PLCE1: variants seen among roughly 807,000 people sequenced by gnomAD.
PLCE1 encodes 1-phosphatidylinositol 4,5-bisphosphate phosphodiesterase epsilon-1.
PLCE1 carries 119 observed loss-of-function variants against 242.8 expected under a neutral mutation model. That is an observed-to-expected ratio of 0.49 (90% CI 0.42 to 0.57). PLCE1 has a LOEUF of 0.57. Ranked by LOEUF, PLCE1 falls within the 20% of genes least tolerant of loss-of-function variation. PLCE1 has a pLI of 0.00. For missense variants in PLCE1, 2,441 were observed against 2,788.8 expected, an observed-to-expected ratio of 0.88 and a Z score of 2.81; for synonymous variants, 945 against 1,017.4, an observed-to-expected ratio of 0.93 and a Z score of 1.35.
intron 19 of PLCE1, among the ~76,000 whole-genome samples, chr10:94,274,005 G>T (rs537153116): frequency 1.3e-5 from 2 of 152,288 alleles, no homozygotes; most frequent in South Asian, 4.1e-4. Flanking sequence ...CTGAAACTGA[G>T]CTTAGGGGGT....
In PLCE1 at chr10:94,284,833, T is replaced by C. The variant is rs1404735397; in HGVS notation, c.4918-15T>C. ...ATACCTTCCATGTAAAATGGTATCA[T>C]TTTTCCCTTACCAGGTTTATGATAT... On this transcript the variant is annotated splice_polypyrimidine_tract_variant and intron_variant, in intron 21 of 32. Transcript: ENST00000371380. The C allele has an allele frequency of 2.2e-6, 3 of 1,386,936 alleles. No individual in the cohort carries two copies. In the South Asian group the frequency reaches 3.5e-5, roughly 16 times the overall value. 85.9% of individuals were successfully genotyped at this position (1,386,936 alleles called of 1,614,324 possible).
At chr10:94,160,625 T>C (rs1199747291) in intron 3 of PLCE1, among the ~76,000 whole-genome samples, 1 of 152,236 alleles carries the variant, frequency 6.6e-6, no homozygotes, top group African/African-American at 2.4e-5. Context: ...TTAGTTTAGT[T>C]AGATCCCATT....
chr10:94,006,224 T>C (rs913848753), intron 1 of PLCE1, among the ~76,000 whole-genome samples: 1 of 152,208 alleles, frequency 6.6e-6, no homozygotes, highest in Non-Finnish European at 1.5e-5. Context: ...CTTCATGGGG[T>C]TGTGATGAGG....
chr10:94,228,566 A>T (rs965087973), intron 5 of PLCE1, among the ~76,000 whole-genome samples: 2 of 152,210 alleles, frequency 1.3e-5, no homozygotes, highest in African/African-American at 4.8e-5. Flanking sequence ...CACCATCCTC[A>T]TGAGGGTTCT....
At chr10:94,085,811 C>T (rs2044801868) in intron 2 of PLCE1, among the ~76,000 whole-genome samples, 1 of 152,194 alleles carries the variant, frequency 6.6e-6, no homozygotes, top group Non-Finnish European at 1.5e-5. Flanking sequence ...GGCTGATCAT[C>T]CAGGGCCTGG....
intron 4 of PLCE1, among the ~76,000 whole-genome samples, chr10:94,187,114 G>A (rs1210859855): frequency 6.6e-6 from 1 of 150,470 alleles, no homozygotes; most frequent in Non-Finnish European, 1.5e-5. Context: ...TATCACATAG[G>A]TTGAAAGTGG....
intron 4 of PLCE1, among the ~76,000 whole-genome samples, chr10:94,207,794 CAT>C (rs983572319): frequency 2.6e-5 from 4 of 151,990 alleles, no homozygotes; most frequent in African/African-American, 9.6e-5. Context: ...ATGATGGAAA[CAT>C]ATTAAAAGGA....
chr10:94,310,378 C>G (rs2053349554), intron 27 of PLCE1, among the ~76,000 whole-genome samples: 2 of 152,166 alleles, frequency 1.3e-5, no homozygotes, highest in South Asian at 4.1e-4. Context: ...CTTCACTGTA[C>G]ATTTGTATCA....
At chr10:94,218,553 C>G (rs1483834042) in intron 4 of PLCE1, among the ~76,000 whole-genome samples, 5 of 152,116 alleles carry the variant, frequency 3.3e-5, no homozygotes, top group Non-Finnish European at 7.4e-5. Context: ...TAAACCAATA[C>G]TTCTGTCAGC....
intron 2 of PLCE1, among the ~76,000 whole-genome samples, chr10:94,065,951 C>T (rs2044183966): frequency 6.6e-6 from 1 of 152,162 alleles, no homozygotes; most frequent in Non-Finnish European, 1.5e-5. Context: ...CTTTCCCCCT[C>T]CTTTAACCTG....
chr10:94,286,925 A>C (rs775912457), intron 22 of PLCE1: 12 of 152,238 alleles, frequency 7.9e-5, no homozygotes, highest in Admixed American at 5.2e-4. Context: ...CACCCACTGC[A>C]GCTCTTATTC....
Position 94,308,601 on chromosome 10 carries a change from C to T in PLCE1, c.5905C>T (p.Arg1969Ter), listed in dbSNP as rs770255322. 5.6e-6 allele frequency: 9 copies of T among 1,611,268 alleles called. No individual in the cohort carries two copies. The highest frequency in any genetic ancestry group is 1.7e-5 in the Admixed American group (1 of 60,016). The change falls in exon 27 of 33, where the codon CGA becomes TGA. Residue 1969 changes from arginine (R) to a stop codon, truncating the protein, a stop_gained. Coordinates refer to ENST00000371380, the MANE Select transcript of PLCE1 (RefSeq NM_016341.4). LOFTEE classifies it high-confidence loss of function. Reference sequence around the variant, plus strand: ...TCCAGGATATCGACATCTTCAGCTGCGAAACCTTCACAATGAAGTCTTGGA... The same window carrying T: ...TCCAGGATATCGACATCTTCAGCTGTGAAACCTTCACAATGAAGTCTTGGA... ...LKRGYRHLQL[R>*]NLHNEVLEIS...
At chr10:94,132,137 C>G (rs776406454) in intron 2 of PLCE1, 37 bp from the exon 3 acceptor site, 2 of 1,600,820 alleles carry the variant, frequency 1.2e-6, no homozygotes, top group Non-Finnish European at 1.7e-6. Context: ...TCCTAAGAAA[C>G]TAGATTAATA....
At chr10:94,236,852 C>T (rs1156431659) in intron 7 of PLCE1, among the ~76,000 whole-genome samples, 1 of 151,776 alleles carries the variant, frequency 6.6e-6, no homozygotes, top group East Asian at 1.9e-4. Flanking sequence ...AGTTCTTAAT[C>T]TCCCTCTCTC....
At chr10:94,225,148 A>G (rs989781502) in intron 4 of PLCE1, 10 of 152,220 alleles carry the variant, frequency 6.6e-5, no homozygotes, top group Non-Finnish European at 1.3e-4. Context: ...GGCTCATACC[A>G]GAGAATAGAC....
intron 3 of PLCE1, among the ~76,000 whole-genome samples, chr10:94,163,196 G>T (rs572168448): frequency 6.6e-6 from 1 of 152,156 alleles, no homozygotes; most frequent in Non-Finnish European, 1.5e-5. Context: ...GCTGAGTTCA[G>T]TTCCTGGATA....
In PLCE1 at chr10:94,256,939, C is replaced by G. The variant is rs1448917957; in HGVS notation, c.3555-1861C>G. Among the ~76,000 whole-genome samples the G allele has an allele frequency of 3.3e-5, 5 of 152,244 alleles. No homozygotes were observed. In the East Asian group the frequency reaches 9.6e-4, roughly 29 times the overall value. On this transcript the variant is annotated intron_variant, in intron 11 of 32. Transcript: ENST00000371380. The stretch of plus-strand genomic sequence containing the variant: ...TCCTAGAATCAAAGGGAGATGGGTT[C>G]CTACAGACAGTAGCTGGATCTGCAA...
chr10:94,246,382 A>G lies in PLCE1; in HGVS notation c.2857A>G (p.Ile953Val), dbSNP rs369531579. The G allele has an allele frequency of 7.4e-6, 12 of 1,613,752 alleles. No individual in the cohort carries two copies. The highest frequency in any genetic ancestry group is 1.0e-5 in the Non-Finnish European group (12 of 1,179,694). ...AVYMGHPGID[I>V]HTVCVQNKLG... The stretch of plus-strand genomic sequence containing the variant: ...ATACATGGGCCACCCTGGCATTGAT[A>G]TACACACTGTGTGTGTTCAGAACAA... The change falls in exon 8 of 33, where the codon ATA becomes GTA. Residue 953 changes from isoleucine (I) to valine (V), a missense_variant. Around this residue, in one of 5 missense-constraint regions of PLCE1, gnomAD observed 733 missense variants for 754.2 expected, o/e 0.97. Transcript: ENST00000371380.
intron 1 of PLCE1, among the ~76,000 whole-genome samples, chr10:94,024,869 A>C (rs1179017647): frequency 6.6e-6 from 1 of 152,130 alleles, no homozygotes; most frequent in African/African-American, 2.4e-5. Flanking sequence ...CTCTTGGACA[A>C]GTCATTCAAG....
Sources: gnomAD v4.1 joint callset for allele counts (sites outside exome capture counted in the v4.1 genomes callset) on GRCh38, gnomAD v4.1.1 for gene constraint, gnomAD v4.1.1 regional missense constraint, MANE v1.5 for transcripts, NCBI Gene and HGNC (gene_info 2026-07-23, HGNC 2026-07-21) for gene names.